Variants in PNLIP observed in about 807,000 individuals in gnomAD.
PNLIP encodes the protein pancreatic lipase, also known as pancreatic triacylglycerol lipase.
In PNLIP, 49 loss-of-function variants were observed where a neutral mutation model predicts 57.1. The observed-to-expected ratio is 0.86, with a 90% CI of 0.68 to 1.09. The LOEUF (loss-of-function observed/expected upper bound fraction) is 1.09. PNLIP is among the 50% of genes least tolerant of loss of function. PNLIP has a pLI of 0.00. For missense variants in PNLIP, 503 were observed against 570.2 expected (o/e 0.88, Z 1.20); for synonymous variants, 209 against 200.4 (o/e 1.04, Z -0.36).
rs149884015 is a variant in PNLIP at position 116,555,226 on chromosome 10, G to A, written c.620G>A (p.Arg207Gln). The part of the protein sequence containing the change: ...PCFQGTPELV[R>Q]LDPSDAKFVD... ...TTTCAGGGCACACCTGAATTAGTCCGATTGGACCCCAGCGATGCCAAATTT... is the reference window on the plus strand; with the variant it reads ...TTTCAGGGCACACCTGAATTAGTCCAATTGGACCCCAGCGATGCCAAATTT... Residue 207 changes from arginine (R) to glutamine (Q), a missense_variant, in exon 7 of 13, where the codon CGA becomes CAA. Arg to Gln is a conservative substitution (Grantham distance 43). Coordinates refer to ENST00000369221, the MANE Select transcript of PNLIP (RefSeq NM_000936.4). 3.7e-6 allele frequency: 6 copies of A among 1,614,026 alleles called. No individual in the cohort carries two copies. Among genetic ancestry groups the A allele is most frequent in the Non-Finnish European group, 5.1e-6 (6 of 1,179,996 alleles).
At chr10:116,548,798 T>A (rs1195989384) in intron 4 of PNLIP, among the ~76,000 whole-genome samples, 1 of 152,244 alleles carries the variant, frequency 6.6e-6, no homozygotes, top group East Asian at 1.9e-4. Context: ...TATAGGCCCC[T>A]GTTTTTTCAT....
At position 116,553,262 on chromosome 10, in the gene PNLIP, C is replaced by T. The variant is rs116901456; in HGVS notation, c.460-465C>T. ...TCAGGATTATAGGCACCCACCACCA[C>T]GCCCAGGTAATTTTTTTACTTTTGT... On this transcript the variant is annotated intron_variant, in intron 5 of 12. Transcript: ENST00000369221. 6.5e-3 allele frequency among the ~76,000 whole-genome samples: 991 copies of T among 152,308 alleles called. 7 individuals carry two copies. The highest frequency in any genetic ancestry group is 0.011 in the Non-Finnish European group (727 of 68,030).
chr10:116,561,544 G>T lies in PNLIP; in HGVS notation c.1242G>T (p.Met414Ile), dbSNP rs1017285902. 1.2e-6 allele frequency: 2 copies of T among 1,613,556 alleles called. No homozygotes were observed. The highest frequency in any genetic ancestry group is 2.2e-5 in the East Asian group (1 of 44,848). Reference protein sequence around the residue: ...DSDVDVGDLQMVKFIWYNNVI... With the variant: ...DSDVDVGDLQIVKFIWYNNVI... ...ATGTGGATGTTGGGGACTTGCAGAT[G>T]GTTAAATTTATTTGGTATAACAATG... is the stretch of plus-strand genomic sequence containing the variant. Residue 414 changes from methionine (M) to isoleucine (I), a missense_variant, in exon 12 of 13, where the codon ATG becomes ATT. By Grantham distance (10) the Met-to-Ile change is conservative. Coordinates refer to ENST00000369221, the MANE Select transcript of PNLIP (RefSeq NM_000936.4).
At chr10:116,560,242 T>C (rs1847298999) in intron 10 of PNLIP, among the ~76,000 whole-genome samples, 174 bp from the exon 11 acceptor site, 1 of 151,082 alleles carries the variant, frequency 6.6e-6, no homozygotes, top group Non-Finnish European at 1.5e-5. Context: ...TAAACACATA[T>C]AAAGGAATAT....
chr10:116,561,349 T>G, intron 11 of PNLIP, 123 bp from the exon 12 acceptor site: 1 of 625,560 alleles, frequency 1.6e-6, no homozygotes, highest in South Asian at 3.6e-5. Flanking sequence ...AAATGCATTG[T>G]AAGCTGGTCT....
chr10:116,558,814 G>T (rs994404371), intron 9 of PNLIP, among the ~76,000 whole-genome samples: 1 of 151,786 alleles, frequency 6.6e-6, no homozygotes, highest in East Asian at 2.0e-4. Flanking sequence ...TAGTAGAGAC[G>T]GGGTTTCACC....
At chr10:116,561,721 A>C in intron 12 of PNLIP, 85 bp downstream of exon 12, 1 of 1,224,698 alleles carries the variant, frequency 8.2e-7, no homozygotes. Context: ...TTTAAGTGAA[A>C]CCTCCTACAG....
chr10:116,564,834 A>G (rs571670544), intron 12 of PNLIP, among the ~76,000 whole-genome samples: 69 of 152,306 alleles, frequency 4.5e-4, no homozygotes, highest in Admixed American at 2.3e-3. Context: ...AGTTAAAAAT[A>G]TGCGCTATAA....
chr10:116,561,379 G>A, intron 11 of PNLIP, 93 bp from the exon 12 acceptor site: 2 of 845,010 alleles, frequency 2.4e-6, no homozygotes, highest in East Asian at 5.4e-5. Flanking sequence ...AAATGTGTAT[G>A]TATATATGTA....
chr10:116,550,945 T>G (rs1180282218), intron 4 of PNLIP, among the ~76,000 whole-genome samples, 153 bp from the exon 5 acceptor site: 1 of 152,202 alleles, frequency 6.6e-6, no homozygotes, highest in African/African-American at 2.4e-5. Flanking sequence ...AGATTATATA[T>G]CTATAACAGA....
In PNLIP at chr10:116,551,163, A is replaced by T. The variant is rs750656848; in HGVS notation, c.390A>T (p.Gly130=). The T allele has an allele frequency of 1.2e-6, 2 of 1,613,206 alleles. No individual in the cohort carries two copies. The highest frequency in any genetic ancestry group is 1.7e-6 in the Non-Finnish European group (2 of 1,179,528). The part of the protein sequence containing the change: ...CVDWKGGSRT[G]YTQASQNIRI... Reference sequence around the variant, plus strand: ...ACTGGAAAGGTGGCTCCCGAACTGGATACACACAAGCCTCGCAGAACATCA... The same window carrying T: ...ACTGGAAAGGTGGCTCCCGAACTGGTTACACACAAGCCTCGCAGAACATCA... Residue 130 remains glycine (G), a synonymous_variant, in exon 5 of 13, where the codon GGA becomes GGT. Transcript: ENST00000369221.
intron 6 of PNLIP, 46 bp downstream of exon 6, chr10:116,553,884 A>G (rs1484014716): frequency 2.5e-6 from 3 of 1,179,672 alleles, no homozygotes; most frequent in East Asian, 2.4e-5. Context: ...AGGCAAGATG[A>G]TCTCTTGAGG....
chr10:116,551,290 CA>C (rs5788172), intron 5 of PNLIP, 58 bp downstream of exon 5: 321,535 of 543,376 alleles, frequency 0.59, 60,014 homozygotes, highest in African/African-American at 0.82. Context: ...ATTATCTTTC[CA>C]AAAAAAAAAA....
chr10:116,564,841 A>G (rs1847347881), intron 12 of PNLIP, among the ~76,000 whole-genome samples: 1 of 152,196 alleles, frequency 6.6e-6, no homozygotes. Flanking sequence ...AATATGCGCT[A>G]TAAATTCTAA....
At chr10:116,554,030 AT>A (rs1460916852) in intron 6 of PNLIP, among the ~76,000 whole-genome samples, 192 bp downstream of exon 6, 1 of 152,124 alleles carries the variant, frequency 6.6e-6, no homozygotes, top group Non-Finnish European at 1.5e-5. Context: ...CAAGATGGAA[AT>A]TTGGTGCAAC....
intron 3 of PNLIP, among the ~76,000 whole-genome samples, 162 bp downstream of exon 3, chr10:116,547,610 C>T (rs1243971802): frequency 6.6e-6 from 1 of 151,346 alleles, no homozygotes; most frequent in African/African-American, 2.4e-5. Context: ...CCTGTAGTCC[C>T]AGCTACTCGG....
chr10:116,552,021 C>T (rs754015387), intron 5 of PNLIP, among the ~76,000 whole-genome samples: 2 of 152,150 alleles, frequency 1.3e-5, no homozygotes, highest in Non-Finnish European at 2.9e-5. Context: ...ATTCCTATTG[C>T]CTTGTGACCT....
At chr10:116,552,595 T>A (rs557223919) in intron 5 of PNLIP, among the ~76,000 whole-genome samples, 1 of 152,064 alleles carries the variant, frequency 6.6e-6, no homozygotes, top group African/African-American at 2.4e-5. Flanking sequence ...TTAAAAAAAA[T>A]AAAAATTGTG....
At chr10:116,567,238 A>ATTCC (rs762022737) in intron 12 of PNLIP, among the ~76,000 whole-genome samples, 9 of 73,750 alleles carry the variant, frequency 1.2e-4, no homozygotes, top group African/African-American at 3.7e-4. Context: ...TTCTTTCTTT[A>ATTCC]TTCCTTCCTT....
Sources: allele counts gnomAD v4.1 joint callset (sites outside exome capture counted in the v4.1 genomes callset), GRCh38; gene constraint gnomAD v4.1.1; transcripts MANE v1.5; gene names NCBI Gene and HGNC (gene_info 2026-07-23, HGNC 2026-07-21).